The following PCSK5 variants were observed in gnomAD, a reference collection of about 807,000 sequenced individuals.
The protein encoded by PCSK5 is prohormone convertase 5.
In PCSK5, 129 loss-of-function variants were observed where a neutral mutation model predicts 233.2. That is an observed-to-expected ratio of 0.55 (90% confidence interval 0.48 to 0.64). The LOEUF is 0.64. PCSK5 is among the 30% of genes least tolerant of loss of function. The pLI is 0.00. For missense variants in PCSK5, 2,076 were observed against 2,430.1 expected (o/e 0.85, Z 3.06); for synonymous variants, 825 against 879.2 (o/e 0.94, Z 1.09).
chr9:76,140,731 C>T (rs1823180655), intron 10 of PCSK5, among the ~76,000 whole-genome samples: 1 of 152,154 alleles, frequency 6.6e-6, no homozygotes, highest in South Asian at 2.1e-4. Flanking sequence ...GTTTAAATGT[C>T]ACCTTAAGTC....
intron 24 of PCSK5, among the ~76,000 whole-genome samples, chr9:76,254,340 G>T (rs1373037810): frequency 6.6e-6 from 1 of 152,152 alleles, no homozygotes; most frequent in African/African-American, 2.4e-5. Flanking sequence ...ACATGAAATA[G>T]TCCCAGATGT....
rs368664676 is a variant in PCSK5 at position 76,292,251 on chromosome 9, C to T, written c.3161C>T (p.Thr1054Ile). Residue 1054 changes from threonine to isoleucine, a missense_variant, in exon 25 of 38, where the codon ACA becomes ATA. Coordinates refer to ENST00000674117, the MANE Select transcript of PCSK5 (RefSeq NM_001372043.1). ...TTTCCAGATGATCCAGGAACATGTA[C>T]ATCTTGCGCTATGGGGTATTACAGG... is the stretch of plus-strand genomic sequence containing the variant. ...GCSLDDPGTC[T>I]SCAMGYYRFD... The T allele has an allele frequency of 1.2e-5, 19 of 1,576,542 alleles. No individual in the cohort carries two copies. In the South Asian group the frequency reaches 1.2e-4, roughly 10 times the overall value.
intron 1 of PCSK5, among the ~76,000 whole-genome samples, chr9:75,918,200 A>C (rs1039151405): frequency 2.0e-5 from 3 of 152,174 alleles, no homozygotes; most frequent in Non-Finnish European, 4.4e-5. Flanking sequence ...ATTAATATAG[A>C]TTGGTTGGGT....
chr9:76,310,849 G>A lies in PCSK5; in HGVS notation c.3882G>A (p.Pro1294=), dbSNP rs61744750. ...AAGGCAGGTGCTACTCCAAGTGCCCGGAGTAAGTTTCCTTTTTAATTTTAC... is the reference window on the plus strand; with the variant it reads ...AAGGCAGGTGCTACTCCAAGTGCCCAGAGTAAGTTTCCTTTTTAATTTTAC... ...LHEGRCYSKC[P]EGSYAEDGIC... is the part of the protein sequence containing the mutation. The change falls in exon 30 of 38, where the codon CCG becomes CCA. Residue 1294 remains proline, a splice_region_variant and synonymous_variant. Coordinates refer to ENST00000674117, the MANE Select transcript of PCSK5 (RefSeq NM_001372043.1). 0.062 allele frequency: 98,325 copies of A among 1,574,204 alleles called. 3,372 individuals carry two copies. Among genetic ancestry groups the A allele is most frequent in the Non-Finnish European group, 0.066 (76,641 of 1,161,852 alleles).
At chr9:75,944,188 T>A (rs903580150) in intron 2 of PCSK5, among the ~76,000 whole-genome samples, 33 of 149,892 alleles carry the variant, frequency 2.2e-4, no homozygotes, top group African/African-American at 3.9e-4. Flanking sequence ...AAAAAAAATA[T>A]ATATATATAT....
chr9:75,957,888 AG>A (rs1825165676), intron 2 of PCSK5, among the ~76,000 whole-genome samples: 2 of 152,180 alleles, frequency 1.3e-5, no homozygotes, highest in Non-Finnish European at 2.9e-5. Flanking sequence ...GTTTTCTTTT[AG>A]GTAATTCTAT....
At position 76,159,037 on chromosome 9, in the gene PCSK5, G is replaced by A. The variant is rs2297342; in HGVS notation, c.1485G>A (p.Ser495=). The change falls in exon 12 of 38, where the codon TCG becomes TCA. Residue 495 remains serine (S), a synonymous_variant. Coordinates refer to ENST00000674117, the MANE Select transcript of PCSK5 (RefSeq NM_001372043.1). ...VRSIYKASGC[S]DNPNRHVNYL... is the part of the protein sequence containing the mutation. ...CCATCTACAAAGCTTCAGGCTGCTCGGATAACCCCAACCGCCATGTCAACT... is the reference window on the plus strand; with the variant it reads ...CCATCTACAAAGCTTCAGGCTGCTCAGATAACCCCAACCGCCATGTCAACT... 0.25 allele frequency: 402,822 copies of A among 1,613,712 alleles called. 52,619 individuals are homozygous for A. The highest frequency in any genetic ancestry group is 0.4 in the Admixed American group (24,283 of 59,988).
At chr9:76,340,931 T>C (rs1000623050) in intron 35 of PCSK5, among the ~76,000 whole-genome samples, 2 of 151,646 alleles carry the variant, frequency 1.3e-5, no homozygotes, top group Non-Finnish European at 2.9e-5. Flanking sequence ...AGAGTTCTAA[T>C]TGGCCAGGTG....
chr9:75,903,589 A>T (rs10115273), intron 1 of PCSK5, among the ~76,000 whole-genome samples: 63,937 of 128,104 alleles, frequency 0.5, 16,248 homozygotes, highest in African/African-American at 0.65. Context: ...TATATATATA[A>T]AATATATATT....
rs376233818 is a variant in PCSK5, at chr9:76,105,745, A to G, written c.1108-1506A>G. On this transcript the variant is annotated intron_variant, in intron 8 of 37. Coordinates refer to ENST00000674117, the MANE Select transcript of PCSK5 (RefSeq NM_001372043.1). ...GACTCCTTCCCCCACCACCATATCT[A>G]TGTAGTTCTATAGATCTTTGTTCAT... Among the ~76,000 whole-genome samples the G allele has an allele frequency of 2.7e-4, 41 of 152,296 alleles. 1 individual carries two copies. The South Asian group carries it at 8.3e-3, about 31-fold the overall frequency.
At chr9:76,070,556 T>G (rs1344214112) in intron 6 of PCSK5, among the ~76,000 whole-genome samples, 1 of 152,196 alleles carries the variant, frequency 6.6e-6, no homozygotes. Flanking sequence ...TTTAAAATGG[T>G]TCAACCTAAT....
chr9:76,209,575 C>G (rs547449503), intron 20 of PCSK5: 1 of 511,278 alleles, frequency 2.0e-6, no homozygotes, highest in Admixed American at 2.0e-5. Flanking sequence ...TTTTAACTAT[C>G]GTGTCACTGC....
chr9:76,133,562 G>A (rs1410024576), intron 9 of PCSK5, among the ~76,000 whole-genome samples: 10 of 151,974 alleles, frequency 6.6e-5, no homozygotes, highest in Admixed American at 6.6e-4. Flanking sequence ...TCTGTACCAT[G>A]TTCTCTTCCT....
chr9:76,242,068 C>T (rs143319820), intron 24 of PCSK5, among the ~76,000 whole-genome samples: 13 of 152,248 alleles, frequency 8.5e-5, no homozygotes, highest in African/African-American at 2.6e-4. Flanking sequence ...ATTTGCCTTA[C>T]CCAATGGATT....
At chr9:76,221,605 T>C (rs886621926) in intron 20 of PCSK5, among the ~76,000 whole-genome samples, 1 of 152,260 alleles carries the variant, frequency 6.6e-6, no homozygotes, top group Non-Finnish European at 1.5e-5. Flanking sequence ...GCTACATCAC[T>C]ACTACATTCA....
intron 20 of PCSK5, among the ~76,000 whole-genome samples, chr9:76,192,213 A>ATAAGT (rs565097484): frequency 1.3e-5 from 2 of 152,132 alleles, no homozygotes; most frequent in South Asian, 4.1e-4. Flanking sequence ...TGAGCACTGG[A>ATAAGT]TAAGTTATGT....
intron 3 of PCSK5, among the ~76,000 whole-genome samples, chr9:76,007,687 C>T (rs893601482): frequency 2.0e-5 from 3 of 151,748 alleles, no homozygotes; most frequent in Non-Finnish European, 2.9e-5. Context: ...AGTGCAGTGG[C>T]GTGATTATGG....
intron 2 of PCSK5, among the ~76,000 whole-genome samples, chr9:75,967,146 TG>T: frequency 6.6e-6 from 1 of 152,130 alleles, no homozygotes; most frequent in East Asian, 1.9e-4. Context: ...GTTCAGGGGG[TG>T]AATGTGCAGT....
intron 1 of PCSK5, among the ~76,000 whole-genome samples, chr9:75,926,763 A>G (rs1039661281): frequency 6.6e-6 from 1 of 152,020 alleles, no homozygotes; most frequent in African/African-American, 2.4e-5. Flanking sequence ...ATTGTTTTTC[A>G]TTACTGGGTA....
Sources: allele counts gnomAD v4.1 joint callset (sites outside exome capture counted in the v4.1 genomes callset), GRCh38; gene constraint gnomAD v4.1.1; transcripts MANE v1.5; gene names NCBI Gene and HGNC (gene_info 2026-07-23, HGNC 2026-07-21).